NFE2L3: variants seen among roughly 807,000 people sequenced by gnomAD.
NFE2L3 encodes the protein nuclear factor erythroid 2-related factor 3.
Under a neutral mutation model 23.5 loss-of-function variants are expected in NFE2L3, and 18 were observed. The observed-to-expected ratio is 0.77, with a 90% confidence interval of 0.53 to 1.13. The LOEUF (loss-of-function observed/expected upper bound fraction) is 1.13. Among genes scored for constraint, NFE2L3 ranks in the 50% most tolerant of loss-of-function variants. The pLI is 0.00. For synonymous variants in NFE2L3, 424 were observed against 354.5 expected, an observed-to-expected ratio of 1.20 and a Z score of -2.20; for missense variants, 1,152 against 877.2, an observed-to-expected ratio of 1.31 and a Z score of -3.96.
At chr7:26,179,286 AGCCCAGGAGTTGGAGATCAGCCTGG>A (rs1250354226) in intron 2 of NFE2L3, among the ~76,000 whole-genome samples, 6 of 152,082 alleles carry the variant, frequency 3.9e-5, no homozygotes, top group Non-Finnish European at 7.4e-5. Context: ...AGATCGCTTG[AGCCCAGGAGTTGGAGATCAGCCTGG>A]GCAACATGGC....
rs547794338 is a variant in NFE2L3, at chr7:26,183,248, A to G, written c.751-453A>G. ...AAGTATGCATGTTGAAATACTGAGT[A>G]CCATAATCAGAGAAATAGGTCAGCT... is the stretch of plus-strand genomic sequence containing the variant. On this transcript the variant is annotated intron_variant, in intron 2 of 3. Transcript: ENST00000056233. Among the ~76,000 whole-genome samples, 4 of 152,270 alleles carry G rather than the reference A, an allele frequency of 2.6e-5. No homozygotes were observed. The East Asian group carries it at 7.7e-4, about 29-fold the overall frequency.
At chr7:26,156,663 C>T (rs11981746) in intron 1 of NFE2L3, among the ~76,000 whole-genome samples, 8 of 152,212 alleles carry the variant, frequency 5.3e-5, no homozygotes, top group African/African-American at 1.9e-4. Context: ...ACGTATGGAA[C>T]AGCTGCCTAC....
chr7:26,172,514 C>T (rs936778926), intron 1 of NFE2L3, among the ~76,000 whole-genome samples: 6 of 152,206 alleles, frequency 3.9e-5, no homozygotes, highest in Non-Finnish European at 7.3e-5. Flanking sequence ...TGTAAGGCTA[C>T]TATCTAATCT....
intron 1 of NFE2L3, among the ~76,000 whole-genome samples, chr7:26,176,009 C>G (rs1459903466): frequency 6.6e-6 from 1 of 151,626 alleles, no homozygotes; most frequent in African/African-American, 2.4e-5. Flanking sequence ...TCCCTGTGGC[C>G]TTCCGCAGTG....
rs768405625 is a variant in NFE2L3, at chr7:26,152,701, G to C, written c.203G>C (p.Trp68Ser). 130 of 1,477,804 alleles carry C rather than the reference G, an allele frequency of 8.8e-5. No homozygotes were observed. In the African/African-American group the frequency reaches 1.8e-3, roughly 20 times the overall value. The allele number at this position is 1,477,804 out of a possible 1,614,324, so 91.5% of individuals were successfully genotyped here. A position where few individuals can be genotyped will look rare whatever the true frequency, so the allele number is the denominator to read the frequency against. ...ALSPFSASGG[W>S]GRAGHLHPKG... ...AGCCCCTTCTCGGCCTCGGGAGGGT[G>C]GGGGCGCGCGGGCCACTTGCACCCC... The change falls in exon 1 of 4, where the codon TGG becomes TCG. Residue 68 changes from tryptophan (W) to serine (S), a missense_variant. Coordinates refer to ENST00000056233, the MANE Select transcript of NFE2L3 (RefSeq NM_004289.7). The surrounding 1 kb of genome is among the most constrained non-coding windows in gnomAD (Gnocchi z 4.4).
In NFE2L3 at chr7:26,175,351, C is replaced by A. The variant is rs542785077; in HGVS notation, c.571-2592C>A. On this transcript the variant is annotated intron_variant, in intron 1 of 3. Transcript: ENST00000056233. The stretch of plus-strand genomic sequence containing the variant: ...CTCCACCCTGGGCGACAGAGTGAGA[C>A]TCAAAAAAATAAATAAATAAAGCAA... 1.7e-4 allele frequency among the ~76,000 whole-genome samples: 26 copies of A among 152,004 alleles called. No individual in the cohort carries two copies. The South Asian group carries it at 5.4e-3, about 32-fold the overall frequency.
At position 26,152,444 on chromosome 7, in the gene NFE2L3, T is replaced by A; in HGVS notation, c.-55T>A. The A allele has an allele frequency of 1.0e-5, 12 of 1,185,238 alleles. No individual in the cohort carries two copies. Among genetic ancestry groups the A allele is most frequent in the Non-Finnish European group, 1.3e-5 (12 of 949,698 alleles). 73.4% of individuals were successfully genotyped at this position (1,185,238 alleles called of 1,614,324 possible). On this transcript the variant is annotated 5_prime_UTR_variant, in exon 1 of 4. Transcript: ENST00000056233. This position sits in a 1 kb window ranked among gnomAD's most constrained non-coding sequence, Gnocchi z 4.4. ...GGTCCGCACGTGTCACCCCGGCGGC[T>A]GGGGCGCCGGGACCCGCGGGCGCCG...
intron 2 of NFE2L3, among the ~76,000 whole-genome samples, chr7:26,180,648 G>C (rs1378851482): frequency 6.6e-6 from 1 of 152,144 alleles, no homozygotes; most frequent in Admixed American, 6.5e-5. Context: ...CTTTCTCCCA[G>C]GTATGTCTTC....
At chr7:26,154,715 G>A (rs2128096917) in intron 1 of NFE2L3, among the ~76,000 whole-genome samples, 1 of 152,276 alleles carries the variant, frequency 6.6e-6, no homozygotes, top group Non-Finnish European at 1.5e-5. Flanking sequence ...CATACTGGCT[G>A]ATTTTTTGTA....
chr7:26,168,406 G>A, intron 1 of NFE2L3, among the ~76,000 whole-genome samples: 1 of 151,686 alleles, frequency 6.6e-6, no homozygotes, highest in Non-Finnish European at 1.5e-5. Context: ...AAAATGGTGA[G>A]ATTATAGGCG....
Position 26,184,569 on chromosome 7 carries a change from A to G in NFE2L3, c.871A>G (p.Ile291Val). ...SLGDIPLPGS[I>V]SDGMNSSAHY... ...GGGAGATATTCCTCTTCCAGGCAGT[A>G]TCAGTGATGGCATGAATTCTTCAGC... Residue 291 changes from isoleucine to valine, a missense_variant, in exon 4 of 4, where the codon ATC becomes GTC. Ile to Val is a conservative substitution (Grantham distance 29). Transcript: ENST00000056233. 1.2e-6 allele frequency: 2 copies of G among 1,613,650 alleles called. No homozygotes were observed. Among genetic ancestry groups the G allele is most frequent in the Non-Finnish European group, 1.7e-6 (2 of 1,179,624 alleles).
intron 1 of NFE2L3, among the ~76,000 whole-genome samples, chr7:26,162,138 A>C (rs1054077874): frequency 2.0e-5 from 3 of 147,014 alleles, no homozygotes; most frequent in Non-Finnish European, 3.0e-5. Flanking sequence ...GCTGGACTCC[A>C]TCTCAAAAAA....
chr7:26,177,618 GAGGAAGGA>G (rs1320212754), intron 1 of NFE2L3, among the ~76,000 whole-genome samples: 2 of 152,070 alleles, frequency 1.3e-5, no homozygotes, highest in African/African-American at 2.4e-5. Context: ...GGGAGGAAGG[GAGGAAGGA>G]AGGAATCAAT....
Position 26,184,565 on chromosome 7 carries a change from C to G in NFE2L3, c.867C>G (p.Gly289=). 6.2e-7 allele frequency: 1 copy of G among 1,613,232 alleles called. No individual in the cohort carries two copies. The highest frequency in any genetic ancestry group is 1.1e-5 in the South Asian group (1 of 90,998). Residue 289 remains glycine (G), a synonymous_variant, in exon 4 of 4, where the codon GGC becomes GGG. Coordinates refer to ENST00000056233, the MANE Select transcript of NFE2L3 (RefSeq NM_004289.7). ...GISLGDIPLP[G]SISDGMNSSA... is the part of the protein sequence containing the mutation. ...CATTGGGAGATATTCCTCTTCCAGGCAGTATCAGTGATGGCATGAATTCTT... is the reference window on the plus strand; with the variant it reads ...CATTGGGAGATATTCCTCTTCCAGGGAGTATCAGTGATGGCATGAATTCTT...
At chr7:26,169,411 G>A (rs1407077121) in intron 1 of NFE2L3, among the ~76,000 whole-genome samples, 2 of 152,192 alleles carry the variant, frequency 1.3e-5, no homozygotes, top group African/African-American at 4.8e-5. Flanking sequence ...GTCCCACATT[G>A]GGCCAAGATG....
intron 1 of NFE2L3, chr7:26,174,605 TCAGA>T (rs1288163151): frequency 6.6e-6 from 1 of 152,216 alleles, no homozygotes; most frequent in Admixed American, 6.5e-5. Context: ...TTAGGCACAA[TCAGA>T]CAGAGAAGCC....
At chr7:26,181,905 AAGAAAATTATCTAGAATAT>A (rs1380365852) in intron 2 of NFE2L3, among the ~76,000 whole-genome samples, 36 of 152,212 alleles carry the variant, frequency 2.4e-4, no homozygotes, top group African/African-American at 8.4e-4. Context: ...AGAAAGATCT[AAGAAAATTATCTAGAATAT>A]ACCAGAGAAG....
intron 1 of NFE2L3, among the ~76,000 whole-genome samples, chr7:26,165,790 T>C (rs1025344983): frequency 2.6e-5 from 4 of 152,192 alleles, no homozygotes; most frequent in Non-Finnish European, 4.4e-5. Flanking sequence ...GGGTTTGTCA[T>C]AGATAGCTTT....
In NFE2L3 at chr7:26,185,645, A is replaced by T; in HGVS notation, c.1947A>T (p.Leu649Phe). 1 of 1,613,966 alleles carries T rather than the reference A, an allele frequency of 6.2e-7. No homozygotes were observed. Among genetic ancestry groups the T allele is most frequent in the Non-Finnish European group, 8.5e-7 (1 of 1,179,832 alleles). ...TTTATCATGATATTTTTAGTAGATT[A>T]AGAGATGACCAAGGTAGGCCAGTCA... The part of the protein sequence containing the change: ...HDLYHDIFSR[L>F]RDDQGRPVNP... Residue 649 changes from leucine to phenylalanine, a missense_variant, in exon 4 of 4, where the codon TTA (leucine) becomes TTT (phenylalanine). Transcript: ENST00000056233.
Sources: allele counts gnomAD v4.1 joint callset (sites outside exome capture counted in the v4.1 genomes callset), GRCh38; gene constraint gnomAD v4.1.1; non-coding constraint Gnocchi (gnomAD v3.1); transcripts MANE v1.5; gene names NCBI Gene and HGNC (gene_info 2026-07-23, HGNC 2026-07-21).